Variants in ZNF385D observed in about 807,000 individuals in gnomAD.
ZNF385D encodes zinc finger protein 659.
ZNF385D carries 15 observed loss-of-function variants against 35.8 expected under a neutral mutation model. That is an observed-to-expected ratio of 0.42 (90% CI 0.28 to 0.64). ZNF385D has a LOEUF of 0.64. Among genes scored for constraint, ZNF385D ranks in the 30% least tolerant of loss-of-function variants. The pLI is 0.23. For missense variants in ZNF385D, 474 were observed against 494.6 expected (o/e 0.96, Z 0.39); for synonymous variants, 212 against 186.8 (o/e 1.13, Z -1.10).
At chr3:21,798,010 T>C (rs1478795830) in intron 3 of ZNF385D, among the ~76,000 whole-genome samples, 3 of 152,180 alleles carry the variant, frequency 2.0e-5, no homozygotes, top group Non-Finnish European at 4.4e-5. Flanking sequence ...ACCCTAGTGC[T>C]GTAGTGTAAA....
chr3:21,598,580 A>C (rs2064190668), intron 2 of ZNF385D, among the ~76,000 whole-genome samples: 1 of 152,228 alleles, frequency 6.6e-6, no homozygotes, highest in South Asian at 2.1e-4. Context: ...TGCCCAACAG[A>C]CAAAAGGCTA....
chr3:22,034,923 T>C (rs1576196681), intron 3 of ZNF385D, among the ~76,000 whole-genome samples: 1 of 152,178 alleles, frequency 6.6e-6, no homozygotes, highest in African/African-American at 2.4e-5. Flanking sequence ...TACAGAATAA[T>C]AGTATTTCAT....
intron 3 of ZNF385D, among the ~76,000 whole-genome samples, chr3:21,563,472 A>T (rs2125644540): frequency 6.6e-6 from 1 of 152,324 alleles, no homozygotes; most frequent in South Asian, 2.1e-4. Context: ...AGTAAGTATG[A>T]GTTCTTAAGA....
chr3:22,360,414 G>A (rs962326161), intron 2 of ZNF385D, among the ~76,000 whole-genome samples: 2 of 151,754 alleles, frequency 1.3e-5, no homozygotes, highest in Admixed American at 6.6e-5. Flanking sequence ...AGTGCCACAG[G>A]TTTAGTTCCA....
intron 2 of ZNF385D, among the ~76,000 whole-genome samples, chr3:22,256,273 C>T (rs1700313379): frequency 1.3e-5 from 2 of 150,474 alleles, no homozygotes; most frequent in South Asian, 4.2e-4. Flanking sequence ...TTAGTTTTGT[C>T]CCTCTAGAGA....
chr3:21,894,073 T>A lies in ZNF385D; in HGVS notation c.326-229045A>T, dbSNP rs533714471. ...TGTCTCGAGGCAGTTAGATACATGTTTTCCATTCCTTAAAACCTCTTAAAT... is the reference window on the plus strand; with the variant it reads ...TGTCTCGAGGCAGTTAGATACATGTATTCCATTCCTTAAAACCTCTTAAAT... On this transcript the variant is annotated intron_variant, in intron 3 of 5. Coordinates refer to the ZNF385D transcript ENST00000494108. 2.6e-5 allele frequency among the ~76,000 whole-genome samples: 4 copies of A among 152,272 alleles called. No homozygotes were observed. The South Asian group carries it at 8.3e-4, about 32-fold the overall frequency.
At chr3:21,813,635 G>C (rs565333710) in intron 3 of ZNF385D, among the ~76,000 whole-genome samples, 1 of 152,248 alleles carries the variant, frequency 6.6e-6, no homozygotes, top group African/African-American at 2.4e-5. Flanking sequence ...AATGAAGTGA[G>C]AAGAGAAGTT....
At chr3:21,820,697 G>T (rs1052429302) in intron 3 of ZNF385D, among the ~76,000 whole-genome samples, 5 of 150,042 alleles carry the variant, frequency 3.3e-5, no homozygotes, top group Non-Finnish European at 3.0e-5. Context: ...AAAAATAGAG[G>T]GACTGTATAA....
chr3:22,295,005 G>T (rs992977264), intron 2 of ZNF385D, among the ~76,000 whole-genome samples: 5 of 150,684 alleles, frequency 3.3e-5, no homozygotes, highest in African/African-American at 5.0e-5. Context: ...TCACACACAT[G>T]TTTCACTCTA....
At chr3:22,088,431 C>G (rs1005896394) in intron 3 of ZNF385D, among the ~76,000 whole-genome samples, 2 of 152,158 alleles carry the variant, frequency 1.3e-5, no homozygotes, top group Admixed American at 6.6e-5. Context: ...ACTTTGAGAT[C>G]TGGCTTCAGT....
intron 3 of ZNF385D, among the ~76,000 whole-genome samples, chr3:21,939,651 TTAAA>T (rs962552181): frequency 1.4e-4 from 22 of 152,180 alleles, no homozygotes; most frequent in African/African-American, 4.6e-4. Context: ...AAATCAAGTG[TTAAA>T]TAAAAATTAT....
intron 2 of ZNF385D, among the ~76,000 whole-genome samples, chr3:22,281,327 AATGCTC>A (rs1432175510): frequency 6.6e-6 from 1 of 152,030 alleles, no homozygotes; most frequent in Non-Finnish European, 1.5e-5. Context: ...TCTTAAAGGG[AATGCTC>A]TCAACTTTTC....
intron 3 of ZNF385D, among the ~76,000 whole-genome samples, chr3:21,936,131 T>A (rs749539585): frequency 3.3e-5 from 5 of 151,938 alleles, no homozygotes; most frequent in Non-Finnish European, 7.4e-5. Flanking sequence ...GAGGAGAAGA[T>A]AAGAAGATAG....
Position 21,924,287 on chromosome 3 carries a change from G to A in ZNF385D, c.325+244530C>T, listed in dbSNP as rs527922888. ...GAAGAAGGCAAATTCACAAGGTATT[G>A]TAAAATCCAAGGAATAATACAGTAG... is the stretch of plus-strand genomic sequence containing the variant. On this transcript the variant is annotated intron_variant, in intron 3 of 5. Coordinates refer to the ZNF385D transcript ENST00000494108. Among the ~76,000 whole-genome samples the A allele has an allele frequency of 2.1e-4, 32 of 152,232 alleles. No individual in the cohort carries two copies. The South Asian group carries it at 6.0e-3, about 29-fold the overall frequency.
At chr3:21,939,686 A>G (rs1461253174) in intron 3 of ZNF385D, among the ~76,000 whole-genome samples, 2 of 152,204 alleles carry the variant, frequency 1.3e-5, no homozygotes, top group Non-Finnish European at 2.9e-5. Flanking sequence ...TCTTAAAACA[A>G]TTTGTGATGA....
At chr3:22,204,365 A>C (rs1276853346) in intron 2 of ZNF385D, among the ~76,000 whole-genome samples, 1 of 151,998 alleles carries the variant, frequency 6.6e-6, no homozygotes, top group Non-Finnish European at 1.5e-5. Flanking sequence ...TCCTCTGAAT[A>C]CCTGGAAAAT....
intron 2 of ZNF385D, among the ~76,000 whole-genome samples, chr3:22,174,541 T>A (rs551100114): frequency 1.6e-4 from 24 of 152,288 alleles, no homozygotes; most frequent in African/African-American, 5.1e-4. Context: ...GTAATTTTTT[T>A]AAAAGTTGGC....
In ZNF385D at chr3:21,717,814, A is replaced by G. The variant is rs377139950; in HGVS notation, c.22+33081T>C. Among the ~76,000 whole-genome samples, 41 of 152,334 alleles carry G rather than the reference A, an allele frequency of 2.7e-4. 1 individual carries two copies. In the South Asian group the frequency reaches 8.5e-3, roughly 32 times the overall value. On this transcript the variant is annotated intron_variant, in intron 1 of 7. Transcript: ENST00000281523. The stretch of plus-strand genomic sequence containing the variant: ...CCATGATTGTGAGGCCTTTCTAGCC[A>G]TGTGGAACTGTGAGTCCATTAAACT...
chr3:22,267,802 T>C (rs1292629223), intron 2 of ZNF385D, among the ~76,000 whole-genome samples: 12 of 151,982 alleles, frequency 7.9e-5, no homozygotes, highest in Non-Finnish European at 2.9e-5. Flanking sequence ...CTCTCAGTAA[T>C]TAAAGTATTA....
Sources: allele counts gnomAD v4.1 joint callset (sites outside exome capture counted in the v4.1 genomes callset), GRCh38; gene constraint gnomAD v4.1.1; transcripts MANE v1.5; gene names NCBI Gene and HGNC (gene_info 2026-07-23, HGNC 2026-07-21).